The following LCORL variants were observed in gnomAD, a reference collection of about 807,000 sequenced individuals.
LCORL encodes ligand-dependent nuclear receptor corepressor-like protein.
In LCORL, 41 loss-of-function variants were observed where a neutral mutation model predicts 141.8. The ratio of observed to expected loss-of-function variants is 0.29; its 90% CI spans 0.23 to 0.38. LCORL has a LOEUF of 0.38. Ranked by LOEUF, LCORL falls within the 10% of genes least tolerant of loss-of-function variation. LCORL has a pLI of 1.00. For missense variants in LCORL, 1,759 were observed against 2,035.0 expected (o/e 0.86, Z 2.61); for synonymous variants, 618 against 694.1 (o/e 0.89, Z 1.72).
chr4:17,902,079 G>A lies in LCORL; in HGVS notation c.682+7015C>T, dbSNP rs1730973583. ...GGTAGAAGGTAGCTTTTTTGTCAGT[G>A]TTCTGAGGTTCTGAGAGTGTATGAC... is the stretch of plus-strand genomic sequence containing the variant. On this transcript the variant is annotated intron_variant, in intron 5 of 7. Coordinates refer to ENST00000635767, the Ensembl canonical transcript of LCORL. Among the ~76,000 whole-genome samples, 3 of 152,048 alleles carry A rather than the reference G, an allele frequency of 2.0e-5. No homozygotes were observed. In the East Asian group the frequency reaches 5.8e-4, roughly 29 times the overall value.
chr4:17,886,104 G>A, exon 6 of LCORL: 1 of 1,604,274 alleles, frequency 6.2e-7, no homozygotes, highest in Non-Finnish European at 8.5e-7. Flanking sequence ...ATCACATATG[G>A]ATGACTCTTC....
intron 4 of LCORL, among the ~76,000 whole-genome samples, chr4:17,956,028 C>T (rs1009594618): frequency 1.3e-5 from 2 of 151,988 alleles, no homozygotes; most frequent in African/African-American, 4.8e-5. Context: ...AGAAAGCACA[C>T]CAATGGACAA....
chr4:17,872,582 C>T (rs556056300), intron 7 of LCORL, among the ~76,000 whole-genome samples: 1 of 152,210 alleles, frequency 6.6e-6, no homozygotes, highest in Admixed American at 6.5e-5. Flanking sequence ...CCCTGAGGCA[C>T]CAACATCTGG....
chr4:17,936,556 G>C (rs1013638578), intron 4 of LCORL, among the ~76,000 whole-genome samples: 1 of 152,058 alleles, frequency 6.6e-6, no homozygotes, highest in African/African-American at 2.4e-5. Context: ...TTTAGTTCTT[G>C]AGTTCACATA....
At chr4:17,845,773 G>C in exon 8 of LCORL, 1 of 1,613,582 alleles carries the variant, frequency 6.2e-7, no homozygotes, top group Non-Finnish European at 8.5e-7. Flanking sequence ...GCTCGTTAGA[G>C]ATGCTGTTGT....
chr4:17,958,185 A>G (rs1254847784), intron 4 of LCORL, among the ~76,000 whole-genome samples: 2 of 151,852 alleles, frequency 1.3e-5, no homozygotes, highest in African/African-American at 4.8e-5. Flanking sequence ...AGAGTTTGTT[A>G]ATAGGAGCTT....
intron 2 of LCORL, among the ~76,000 whole-genome samples, chr4:17,971,085 G>A (rs1163551173): frequency 1.3e-5 from 2 of 151,946 alleles, no homozygotes; most frequent in African/African-American, 4.8e-5. Context: ...AGAAAAATAC[G>A]AAGTGTGCTA....
intron 4 of LCORL, among the ~76,000 whole-genome samples, chr4:17,930,815 T>A (rs1735916472): frequency 6.6e-6 from 1 of 152,194 alleles, no homozygotes; most frequent in Non-Finnish European, 1.5e-5. Flanking sequence ...TGTGTGACTG[T>A]CACATGATTT....
chr4:17,918,023 C>A (rs892811222), intron 4 of LCORL, among the ~76,000 whole-genome samples: 1 of 152,204 alleles, frequency 6.6e-6, no homozygotes, highest in Non-Finnish European at 1.5e-5. Context: ...CTCCTCAAGA[C>A]ACATGGAGCC....
chr4:17,844,650 GTGTTGT>G (rs575932742), exon 8 of LCORL: 2 of 148,886 alleles, frequency 1.3e-5, no homozygotes, highest in African/African-American at 5.3e-5. Flanking sequence ...GATTCCTTAT[GTGTTGT>G]TGTTTTAAAG....
At chr4:17,844,863 A>G (rs1008918224) in exon 8 of LCORL, 1 of 152,274 alleles carries the variant, frequency 6.6e-6, no homozygotes, top group African/African-American at 2.4e-5. Flanking sequence ...TTTAAGCACC[A>G]AACCTTTAGT....
intron 6 of LCORL, chr4:17,883,095 T>C (rs1170941774): frequency 7.2e-6 from 7 of 970,084 alleles, no homozygotes; most frequent in Non-Finnish European, 1.2e-6. Context: ...AAATGATAAA[T>C]ATTAAATTTC....
At chr4:17,883,654 GCACATACACACACACGCAAACACA>G in intron 6 of LCORL, 1 of 1,443,102 alleles carries the variant, frequency 6.9e-7, no homozygotes, top group South Asian at 1.5e-5. Context: ...ACACACCTGT[GCACATACACACACACGCAAACACA>G]CACACACACA....
chr4:17,951,906 A>C (rs1739780050), intron 4 of LCORL, among the ~76,000 whole-genome samples: 1 of 152,224 alleles, frequency 6.6e-6, no homozygotes, highest in Admixed American at 6.5e-5. Context: ...CAATTGGGGA[A>C]AAGAAAAAAC....
exon 7 of LCORL, chr4:17,875,611 G>C: frequency 8.1e-7 from 1 of 1,231,108 alleles, no homozygotes; most frequent in Non-Finnish European, 1.0e-6. Context: ...TCTGATATGA[G>C]ACATTCTGGG....
chr4:17,896,092 G>A (rs190722598), intron 5 of LCORL, among the ~76,000 whole-genome samples: 29 of 152,178 alleles, frequency 1.9e-4, no homozygotes, highest in African/African-American at 4.3e-4. Context: ...AACTGGATGC[G>A]CAACCTTTTG....
rs184427176 is a variant in LCORL at position 17,886,046 on chromosome 4, A to G, written c.776+22T>C. 37 of 1,216,866 alleles carry G rather than the reference A, an allele frequency of 3.0e-5. No homozygotes were observed. The African/African-American group carries it at 4.1e-4, about 14-fold the overall frequency. 75.4% of individuals were successfully genotyped at this position (1,216,866 alleles called of 1,614,324 possible). ...GATAATTTTATATTAATATTAAATTATATTTCCTAGATATTGCTTACCCAG... is the reference window on the plus strand; with the variant it reads ...GATAATTTTATATTAATATTAAATTGTATTTCCTAGATATTGCTTACCCAG... On this transcript the variant is annotated intron_variant, in intron 6 of 7. Transcript: ENST00000635767.
intron 1 of LCORL, among the ~76,000 whole-genome samples, chr4:18,000,535 T>C (rs1043588572): frequency 1.3e-5 from 2 of 152,208 alleles, no homozygotes; most frequent in African/African-American, 4.8e-5. Context: ...ACAACCTAAA[T>C]ATCCTTCAAA....
intron 1 of LCORL, among the ~76,000 whole-genome samples, chr4:17,981,619 T>C (rs554433466): frequency 2.9e-4 from 44 of 151,946 alleles, no homozygotes; most frequent in Non-Finnish European, 5.3e-4. Flanking sequence ...GCACCTGTAG[T>C]CCCAGCTACT....
Sources: allele counts gnomAD v4.1 joint callset (sites outside exome capture counted in the v4.1 genomes callset), GRCh38; gene constraint gnomAD v4.1.1; transcripts MANE v1.5; gene names NCBI Gene and HGNC (gene_info 2026-07-23, HGNC 2026-07-21).